The following ANK3 variants were observed in gnomAD, a reference collection of about 807,000 sequenced individuals.
ANK3 encodes the protein ankyrin 3.
In ANK3, 57 loss-of-function variants were observed where a neutral mutation model predicts 370.9. The ratio of observed to expected loss-of-function variants is 0.15; its 90% CI spans 0.12 to 0.19. ANK3 has a LOEUF of 0.19. ANK3 is among the 10% of genes least tolerant of loss of function. The pLI, the probability that ANK3 is intolerant of heterozygous loss-of-function variation, is 1.00. For synonymous variants in ANK3, 1,929 were observed against 1,946.3 expected (o/e 0.99, Z 0.23); for missense variants, 4,439 against 5,302.1 (o/e 0.84, Z 5.06).
intron 27 of ANK3, chr10:60,108,073 TA>T (rs2092375446): frequency 3.7e-6 from 1 of 273,292 alleles, no homozygotes; most frequent in African/African-American, 2.3e-5. Flanking sequence ...AAAAAAAACT[TA>T]AAAAATAAAA....
chr10:60,096,397 A>C (rs1294602246), intron 28 of ANK3, among the ~76,000 whole-genome samples: 1 of 152,190 alleles, frequency 6.6e-6, no homozygotes, highest in Non-Finnish European at 1.5e-5. Context: ...CATCCTATAC[A>C]TTACAGAAAA....
intron 2 of ANK3, among the ~76,000 whole-genome samples, chr10:60,467,361 A>C (rs539080804): frequency 1.6e-4 from 24 of 152,282 alleles, no homozygotes; most frequent in African/African-American, 5.5e-4. Flanking sequence ...CCACTCTAGA[A>C]GTTTCATTTC....
At chr10:60,183,138 G>A (rs2096243479) in intron 17 of ANK3, among the ~76,000 whole-genome samples, 1 of 152,184 alleles carries the variant, frequency 6.6e-6, no homozygotes, top group African/African-American at 2.4e-5. Flanking sequence ...AGTCACTTCA[G>A]GCTTCCCTGG....
intron 1 of ANK3, among the ~76,000 whole-genome samples, chr10:60,321,201 C>CAGCATGAGA (rs2048554437): frequency 6.6e-6 from 1 of 151,908 alleles, no homozygotes. Flanking sequence ...ACCAGCCTGG[C>CAGCATGAGA]AGCATGAGAC....
intron 1 of ANK3, among the ~76,000 whole-genome samples, chr10:60,333,709 G>C (rs949724413): frequency 3.3e-5 from 5 of 152,152 alleles, no homozygotes. Flanking sequence ...CTAGATCCTT[G>C]AGGAATTGCC....
At chr10:60,115,800 AT>A (rs1320345503) in intron 25 of ANK3, among the ~76,000 whole-genome samples, 1 of 152,214 alleles carries the variant, frequency 6.6e-6, no homozygotes, top group Non-Finnish European at 1.5e-5. Context: ...ACATTGAGAG[AT>A]TTTAACATAG....
chr10:60,568,821 TC>T (rs1171284340), intron 2 of ANK3, among the ~76,000 whole-genome samples: 1 of 151,978 alleles, frequency 6.6e-6, no homozygotes, highest in Non-Finnish European at 1.5e-5. Context: ...AAGGATGAGG[TC>T]CTAATATGAT....
intron 2 of ANK3, among the ~76,000 whole-genome samples, chr10:60,544,325 A>C (rs547989140): frequency 7.9e-5 from 12 of 152,154 alleles, no homozygotes; most frequent in Admixed American, 5.2e-4. Context: ...AAGAGTTTTA[A>C]ATTAGAATGT....
At chr10:60,348,621 A>T (rs1355405919) in intron 1 of ANK3, among the ~76,000 whole-genome samples, 1 of 152,228 alleles carries the variant, frequency 6.6e-6, no homozygotes, top group Non-Finnish European at 1.5e-5. Context: ...AAGATTCATT[A>T]TAGTGTCTGG....
intron 18 of ANK3, among the ~76,000 whole-genome samples, chr10:60,177,843 G>A (rs969853260): frequency 6.6e-6 from 1 of 151,892 alleles, no homozygotes; most frequent in African/African-American, 2.4e-5. Flanking sequence ...CTCGTGATCT[G>A]GCCGCCGCGG....
intron 18 of ANK3, among the ~76,000 whole-genome samples, chr10:60,178,981 G>A (rs2096063324): frequency 6.6e-6 from 1 of 152,138 alleles, no homozygotes; most frequent in African/African-American, 2.4e-5. Context: ...TGCAAAGGCT[G>A]TTACCAGGAT....
rs181097999 is a variant in ANK3 at position 60,045,979 on chromosome 10, T to A, written c.13066-3220A>T. Reference sequence around the variant, plus strand: ...TTACAGTTTGTGGGTGCATAGTTCATGACAATGGGCGGGACATTTAACTTG... The same window carrying A: ...TTACAGTTTGTGGGTGCATAGTTCAAGACAATGGGCGGGACATTTAACTTG... On this transcript the variant is annotated intron_variant, in intron 42 of 43. Transcript: ENST00000280772. Among the ~76,000 whole-genome samples, 107 of 152,188 alleles carry A rather than the reference T, an allele frequency of 7.0e-4. 1 individual carries two copies. Among genetic ancestry groups the A allele is most frequent in the African/African-American group, 2.5e-3 (104 of 41,530 alleles).
intron 28 of ANK3, among the ~76,000 whole-genome samples, chr10:60,101,850 T>C (rs1157860179): frequency 6.6e-6 from 1 of 152,106 alleles, no homozygotes; most frequent in Admixed American, 6.5e-5. Context: ...CTAAGAGGTG[T>C]CTTCATTAGT....
At chr10:60,108,288 T>C in intron 27 of ANK3, 1 of 399,168 alleles carries the variant, frequency 2.5e-6, no homozygotes, top group Non-Finnish European at 4.9e-6. Flanking sequence ...TGCAGTTTAC[T>C]GAATAACATC....
At chr10:60,621,517 T>A (rs1404261132) in intron 1 of ANK3, among the ~76,000 whole-genome samples, 1 of 152,198 alleles carries the variant, frequency 6.6e-6, no homozygotes, top group East Asian at 1.9e-4. Flanking sequence ...CACTATCACA[T>A]CAACATTCCA....
At chr10:60,600,258 TTG>T (rs1306133192) in intron 2 of ANK3, among the ~76,000 whole-genome samples, 1 of 152,196 alleles carries the variant, frequency 6.6e-6, no homozygotes, top group Non-Finnish European at 1.5e-5. Flanking sequence ...TAATCAACAT[TTG>T]TTTAAAATCT....
chr10:60,257,240 G>A (rs2132626540), intron 7 of ANK3, among the ~76,000 whole-genome samples: 1 of 152,228 alleles, frequency 6.6e-6, no homozygotes, highest in Admixed American at 6.5e-5. Flanking sequence ...TTCTGAATGT[G>A]GTCCAATATC....
At chr10:60,658,824 G>A (rs1284702124) in intron 1 of ANK3, among the ~76,000 whole-genome samples, 1 of 151,978 alleles carries the variant, frequency 6.6e-6, no homozygotes, top group Non-Finnish European at 1.5e-5. Context: ...ATTAGGGGAG[G>A]GGAAGGGTAG....
At chr10:60,189,386 C>T (rs965262051) in intron 16 of ANK3, among the ~76,000 whole-genome samples, 1 of 152,060 alleles carries the variant, frequency 6.6e-6, no homozygotes, top group African/African-American at 2.4e-5. Flanking sequence ...GAGAGAGAGA[C>T]AGACAGAGAC....
Sources: gnomAD v4.1 joint callset for allele counts (sites outside exome capture counted in the v4.1 genomes callset) on GRCh38, gnomAD v4.1.1 for gene constraint, MANE v1.5 for transcripts, NCBI Gene and HGNC (gene_info 2026-07-23, HGNC 2026-07-21) for gene names.